Variants in LASP1 observed in about 807,000 individuals in gnomAD.
LASP1 encodes LIM and SH3 protein 1, also known as LIM and SH3 domain protein 1.
Under a neutral mutation model 38.6 loss-of-function variants are expected in LASP1, and 10 were observed. The observed-to-expected ratio is 0.26, with a 90% CI of 0.16 to 0.44. LASP1 has a LOEUF of 0.44. Among genes scored for constraint, LASP1 ranks in the 20% least tolerant of loss-of-function variants. LASP1 has a pLI of 1.00. For synonymous variants in LASP1, 132 were observed against 140.8 expected, an observed-to-expected ratio of 0.94 and a Z score of 0.44; for missense variants, 243 against 375.7, an observed-to-expected ratio of 0.65 and a Z score of 2.92.
At chr17:38,888,547 G>T (rs532514420) in intron 2 of LASP1, among the ~76,000 whole-genome samples, 1 of 152,284 alleles carries the variant, frequency 6.6e-6, no homozygotes, top group East Asian at 1.9e-4. Context: ...CAAAGTGTTG[G>T]GATTATAGGC....
intron 6 of LASP1, among the ~76,000 whole-genome samples, chr17:38,917,130 T>C (rs1395528687): frequency 1.3e-5 from 2 of 152,122 alleles, no homozygotes; most frequent in Non-Finnish European, 2.9e-5. Context: ...CCCTGGCAGC[T>C]GTGTTGAGAA....
chr17:38,892,881 G>C (rs2143774392), intron 3 of LASP1, among the ~76,000 whole-genome samples: 1 of 152,172 alleles, frequency 6.6e-6, no homozygotes, highest in African/African-American at 2.4e-5. Context: ...GGGTTCCCGG[G>C]GGGGCCTCTT....
intron 4 of LASP1, 38 bp downstream of exon 4, chr17:38,898,557 C>G: frequency 1.4e-6 from 2 of 1,438,922 alleles, no homozygotes; most frequent in Non-Finnish European, 1.9e-6. Flanking sequence ...CCCTGCTGCC[C>G]TCTGTTTGGT....
chr17:38,918,689 C>CGACG lies in LASP1; in HGVS notation c.697_698insGACG (p.Gln233ArgfsTer52). On this transcript the variant is annotated frameshift_variant, in exon 7 of 7. Coordinates refer to ENST00000318008, the MANE Select transcript of LASP1 (RefSeq NM_006148.4). LOFTEE classifies it high-confidence loss of function. This position sits in a 1 kb window ranked among gnomAD's most constrained non-coding sequence, Gnocchi z 4.4. ...GGACGGGGACACCATCGTCAACGTG[C>CGACG]AGCAGATCGACGACGGCTGGATGTA... The CGACG allele has an allele frequency of 1.2e-6, 2 of 1,614,098 alleles. No individual in the cohort carries two copies. Among genetic ancestry groups the CGACG allele is most frequent in the Non-Finnish European group, 1.7e-6 (2 of 1,179,982 alleles).
chr17:38,910,733 C>CTT (rs10526728), intron 4 of LASP1, among the ~76,000 whole-genome samples: 3 of 135,498 alleles, frequency 2.2e-5, no homozygotes, highest in African/African-American at 5.8e-5. Context: ...CTGGAGTCCA[C>CTT]TTTTTTTTAA....
chr17:38,914,581 CT>C, intron 5 of LASP1, 106 bp downstream of exon 5: 3 of 1,363,496 alleles, frequency 2.2e-6, no homozygotes, highest in Non-Finnish European at 3.0e-6. Flanking sequence ...GAGCCTTGCT[CT>C]TAATCAACAG....
chr17:38,888,388 C>T (rs1160201614), intron 2 of LASP1, among the ~76,000 whole-genome samples: 3 of 152,116 alleles, frequency 2.0e-5, no homozygotes, highest in Non-Finnish European at 2.9e-5. Flanking sequence ...AGTGATTCTC[C>T]TGCCTCAGCC....
rs1915278992 is a variant in LASP1, at chr17:38,920,830, T to C, written c.*2052T>C. 4.3e-6 allele frequency: 1 copy of C among 232,690 alleles called. No individual in the cohort carries two copies. Among genetic ancestry groups the C allele is most frequent in the Admixed American group, 5.6e-5 (1 of 17,742 alleles). 14.4% of individuals were successfully genotyped at this position (232,690 alleles called of 1,614,324 possible). A position where few individuals can be genotyped will look rare whatever the true frequency, so the allele number is the denominator to read the frequency against. Reference sequence around the variant, plus strand: ...ATCTCTTGGGAGTCTTGGGTGGCGCTGGTGCATTCTGTTTCCTCTTGATCT... The same window carrying C: ...ATCTCTTGGGAGTCTTGGGTGGCGCCGGTGCATTCTGTTTCCTCTTGATCT... On this transcript the variant is annotated 3_prime_UTR_variant, in exon 7 of 7. Coordinates refer to ENST00000318008, the MANE Select transcript of LASP1 (RefSeq NM_006148.4).
chr17:38,907,077 T>TC (rs34977033), intron 4 of LASP1, among the ~76,000 whole-genome samples: 1 of 152,100 alleles, frequency 6.6e-6, no homozygotes, highest in Non-Finnish European at 1.5e-5. Context: ...TGTGCTAACA[T>TC]CCCCCTCATG....
At chr17:38,879,347 G>A (rs1200137797) in intron 2 of LASP1, among the ~76,000 whole-genome samples, 1 of 151,438 alleles carries the variant, frequency 6.6e-6, no homozygotes, top group Non-Finnish European at 1.5e-5. Context: ...AGTAGAGACC[G>A]GGGTTTCACC....
chr17:38,915,398 A>G, intron 6 of LASP1: 1 of 353,268 alleles, frequency 2.8e-6, no homozygotes, highest in Non-Finnish European at 5.3e-6. Context: ...GGGTTTCCTT[A>G]CCCCAGCTAC....
At chr17:38,884,932 C>T (rs1040166537) in intron 2 of LASP1, among the ~76,000 whole-genome samples, 1 of 152,140 alleles carries the variant, frequency 6.6e-6, no homozygotes, top group Admixed American at 6.5e-5. Context: ...CTCAGATGAT[C>T]CGCCCGCTTC....
chr17:38,888,438 C>T (rs754044054), intron 2 of LASP1, among the ~76,000 whole-genome samples: 5 of 152,170 alleles, frequency 3.3e-5, no homozygotes, highest in Admixed American at 6.5e-5. Context: ...CCACGGTGCC[C>T]GGCTAATTTT....
chr17:38,899,706 C>G (rs1175352255), intron 4 of LASP1, among the ~76,000 whole-genome samples: 1 of 150,756 alleles, frequency 6.6e-6, no homozygotes, highest in Non-Finnish European at 1.5e-5. Context: ...AGAATGGAAG[C>G]TTTCATGAAT....
At chr17:38,872,947 G>A (rs571627561) in intron 1 of LASP1, among the ~76,000 whole-genome samples, 1 of 152,316 alleles carries the variant, frequency 6.6e-6, no homozygotes, top group South Asian at 2.1e-4. Context: ...TTTGAGGAAG[G>A]AGGTCGAGAT....
intron 2 of LASP1, among the ~76,000 whole-genome samples, chr17:38,886,527 TC>T (rs1914143391): frequency 6.6e-6 from 1 of 151,996 alleles, no homozygotes; most frequent in South Asian, 2.1e-4. Context: ...CACCCCCACT[TC>T]CCTTCTGATG....
intron 2 of LASP1, among the ~76,000 whole-genome samples, chr17:38,881,204 G>A (rs745961690): frequency 2.0e-4 from 30 of 152,096 alleles, no homozygotes; most frequent in South Asian, 4.1e-4. Context: ...TGTGCCAGAC[G>A]CTAGGCCGAG....
intron 4 of LASP1, among the ~76,000 whole-genome samples, chr17:38,908,676 C>G (rs559572766): frequency 6.6e-6 from 1 of 152,324 alleles, no homozygotes; most frequent in East Asian, 1.9e-4. Flanking sequence ...CCTCTGCGTC[C>G]AGACTGGACT....
intron 1 of LASP1, among the ~76,000 whole-genome samples, chr17:38,875,183 G>A (rs1389683831): frequency 1.3e-5 from 2 of 152,046 alleles, no homozygotes; most frequent in East Asian, 3.9e-4. Flanking sequence ...AGGGGCCTAG[G>A]CAGGGGCCTG....
Sources: gnomAD v4.1 joint callset for allele counts (sites outside exome capture counted in the v4.1 genomes callset) on GRCh38, gnomAD v4.1.1 for gene constraint, Gnocchi (gnomAD v3.1) non-coding constraint, MANE v1.5 for transcripts, NCBI Gene and HGNC (gene_info 2026-07-23, HGNC 2026-07-21) for gene names.